Variants in ENPEP observed in about 807,000 individuals in gnomAD.
The protein encoded by ENPEP is glutamyl aminopeptidase, also known as AP-A.
ENPEP carries 103 observed loss-of-function variants against 114.5 expected under a neutral mutation model. That is an observed-to-expected ratio of 0.90 (90% confidence interval 0.77 to 1.06). The LOEUF is 1.06. Among genes scored for constraint, ENPEP ranks in the 50% least tolerant of loss-of-function variants. ENPEP has a pLI of 0.00. For synonymous variants in ENPEP, 420 were observed against 422.0 expected (o/e 1.00, Z 0.06); for missense variants, 1,196 against 1,161.3 (o/e 1.03, Z -0.43).
At chr4:110,493,887 A>G (rs1724820601) in intron 3 of ENPEP, among the ~76,000 whole-genome samples, 1 of 152,234 alleles carries the variant, frequency 6.6e-6, no homozygotes, top group Non-Finnish European at 1.5e-5. Flanking sequence ...AGAACTTAAC[A>G]GACAAGCTAA....
At chr4:110,544,919 A>T (rs1726996720) in intron 13 of ENPEP, among the ~76,000 whole-genome samples, 2 of 152,138 alleles carry the variant, frequency 1.3e-5, no homozygotes, top group East Asian at 3.9e-4. Flanking sequence ...CAAATTTGAA[A>T]TTCAAAACAT....
At chr4:110,517,778 C>T (rs1176659610) in intron 8 of ENPEP, among the ~76,000 whole-genome samples, 1 of 152,164 alleles carries the variant, frequency 6.6e-6, no homozygotes, top group Non-Finnish European at 1.5e-5. Context: ...TGAATTTACA[C>T]AAAACACCCA....
At position 110,549,584 on chromosome 4, in the gene ENPEP, T is replaced by A. The variant is rs138888423; in HGVS notation, c.2282T>A (p.Leu761Ter). 1.4e-4 allele frequency: 226 copies of A among 1,613,674 alleles called. No individual in the cohort carries two copies. The highest frequency in any genetic ancestry group is 1.8e-4 in the Non-Finnish European group (214 of 1,179,718). The change falls in exon 16 of 20, where the codon TTG (leucine) becomes TAG (stop). Residue 761 changes from leucine to a stop codon, truncating the protein, a stop_gained. Coordinates refer to ENST00000265162, the MANE Select transcript of ENPEP (RefSeq NM_001977.4). LOFTEE classifies it high-confidence loss of function. ...TGCAAGATGGGAGACAGAGAAGCCT[T>A]GAACAATGCTTCCTCGTTATTTGAG... The part of the protein sequence containing the change: ...FACKMGDREA[L>*]NNASSLFEQW...
At chr4:110,525,287 C>G (rs1301665287) in intron 10 of ENPEP, among the ~76,000 whole-genome samples, 1 of 152,204 alleles carries the variant, frequency 6.6e-6, no homozygotes, top group Non-Finnish European at 1.5e-5. Flanking sequence ...GGGCCTGGCC[C>G]CAGGAGCTGG....
At chr4:110,530,652 TG>T (rs1418257077) in intron 10 of ENPEP, among the ~76,000 whole-genome samples, 1 of 152,232 alleles carries the variant, frequency 6.6e-6, no homozygotes. Context: ...ATTCTTCCCT[TG>T]AGCACTTCAG....
rs553209625 is a variant in ENPEP, at chr4:110,490,244, G to A, written c.787-789G>A. Among the ~76,000 whole-genome samples the A allele has an allele frequency of 2.0e-5, 3 of 152,126 alleles. No individual in the cohort carries two copies. In the South Asian group the frequency reaches 6.2e-4, roughly 32 times the overall value. Reference sequence around the variant, plus strand: ...CTAACACTACTAGGTTTTTATGGTAGAGTAATGTAGCCTGGAGCCCCACCA... The same window carrying A: ...CTAACACTACTAGGTTTTTATGGTAAAGTAATGTAGCCTGGAGCCCCACCA... On this transcript the variant is annotated intron_variant, in intron 2 of 19. Transcript: ENST00000265162.
Position 110,549,939 on chromosome 4 carries a change from T to TCA in ENPEP, c.2501+56_2501+57dup, listed in dbSNP as rs1727226686. 2.1e-6 allele frequency: 3 copies of TCA among 1,452,570 alleles called. No individual in the cohort carries two copies. In the African/African-American group the frequency reaches 4.3e-5, roughly 21 times the overall value. 90.0% of individuals were successfully genotyped at this position (1,452,570 alleles called of 1,614,324 possible). On this transcript the variant is annotated intron_variant, in intron 17 of 19. Transcript: ENST00000265162. Reference sequence around the variant, plus strand: ...TAAATAGTATTTAATAGTTTATGTGTCACAGTCTCTTTAAGAGTCTGATTA... The same window carrying TCA: ...TAAATAGTATTTAATAGTTTATGTGTCACACAGTCTCTTTAAGAGTCTGATTA...
chr4:110,548,252 C>A lies in ENPEP; in HGVS notation c.2077C>A (p.Gln693Lys), dbSNP rs1346506225. 1 of 1,596,348 alleles carries A rather than the reference C, an allele frequency of 6.3e-7. No individual in the cohort carries two copies. Among genetic ancestry groups the A allele is most frequent in the East Asian group, 2.3e-5 (1 of 43,950 alleles). The change falls in exon 14 of 20, where the codon CAG (glutamine) becomes AAG (lysine). Residue 693 changes from glutamine to lysine, a missense_variant. By Grantham distance (53) the Gln-to-Lys change is moderately conservative (BLOSUM62 1). Coordinates refer to ENST00000265162, the MANE Select transcript of ENPEP (RefSeq NM_001977.4). Reference sequence around the variant, plus strand: ...AAGGGAAGAGAATTTTTTACCATGGCAGAGAGTAATTTCAGCTGTAACCTA... The same window carrying A: ...AAGGGAAGAGAATTTTTTACCATGGAAGAGAGTAATTTCAGCTGTAACCTA... ...LKREENFLPW[Q>K]RVISAVTYII...
At position 110,549,741 on chromosome 4, in the gene ENPEP, G is replaced by C; in HGVS notation, c.2356G>C (p.Val786Leu). The change falls in exon 17 of 20, where the codon GTG (valine) becomes CTG (leucine). Residue 786 changes from valine to leucine, a missense_variant. By Grantham distance (32) the Val-to-Leu change is conservative. Transcript: ENST00000265162. ...VSLPVNLRLLVYRYGMQNSGN... is the reference protein window; with the variant it reads ...VSLPVNLRLLLYRYGMQNSGN... The stretch of plus-strand genomic sequence containing the variant: ...CCTTCCCGTAAATCTCAGGCTTCTG[G>C]TGTATCGGTATGGGATGCAGAACTC... 1 of 1,613,222 alleles carries C rather than the reference G, an allele frequency of 6.2e-7. No individual in the cohort carries two copies. The highest frequency in any genetic ancestry group is 8.5e-7 in the Non-Finnish European group (1 of 1,179,530).
chr4:110,486,302 C>A (rs189573504), intron 1 of ENPEP, among the ~76,000 whole-genome samples: 1 of 152,258 alleles, frequency 6.6e-6, no homozygotes, highest in Admixed American at 6.5e-5. Flanking sequence ...GTAGTAAGTC[C>A]TTGAATCAAA....
chr4:110,516,758 G>T (rs532584822), intron 8 of ENPEP, among the ~76,000 whole-genome samples: 2 of 152,116 alleles, frequency 1.3e-5, no homozygotes, highest in South Asian at 4.2e-4. Flanking sequence ...TCAAGATTTC[G>T]GAAATATTTG....
rs1212446280 is a variant in ENPEP, at chr4:110,509,774, G to A, written c.1161G>A (p.Val387=). ...KESASSNQQR[V]ATVVAHELVH... is the part of the protein sequence containing the mutation. ...CAGCCTCATCAAACCAACAGAGGGT[G>A]GCCACTGTGGTTGCCCATGAACTTG... The change falls in exon 5 of 20, where the codon GTG becomes GTA. Residue 387 remains valine, a synonymous_variant. Coordinates refer to ENST00000265162, the MANE Select transcript of ENPEP (RefSeq NM_001977.4). 1 of 1,613,962 alleles carries A rather than the reference G, an allele frequency of 6.2e-7. No homozygotes were observed. Among genetic ancestry groups the A allele is most frequent in the Admixed American group, 1.7e-5 (1 of 59,968 alleles).
chr4:110,506,443 A>C (rs1211589996), intron 3 of ENPEP, among the ~76,000 whole-genome samples, 194 bp from the exon 4 acceptor site: 1 of 152,226 alleles, frequency 6.6e-6, no homozygotes, highest in Non-Finnish European at 1.5e-5. Flanking sequence ...CATTTTACAT[A>C]AAATTCCTCC....
chr4:110,531,126 T>C, intron 10 of ENPEP, 72 bp from the exon 11 acceptor site: 1 of 947,364 alleles, frequency 1.1e-6, no homozygotes. Flanking sequence ...TATTGCTTTT[T>C]AGTGATTTTT....
intron 10 of ENPEP, among the ~76,000 whole-genome samples, chr4:110,530,181 C>T (rs573410834): frequency 5.3e-5 from 8 of 152,194 alleles, no homozygotes; most frequent in East Asian, 3.9e-4. Context: ...TTTTATGAAA[C>T]GTATAGCCAA....
intron 3 of ENPEP, among the ~76,000 whole-genome samples, chr4:110,491,852 C>T (rs1724738582): frequency 6.6e-6 from 1 of 151,682 alleles, no homozygotes; most frequent in African/African-American, 2.4e-5. Flanking sequence ...TCCTGAGTAG[C>T]TGGGACTACA....
chr4:110,505,790 T>C (rs1415923386), intron 3 of ENPEP, among the ~76,000 whole-genome samples: 1 of 152,234 alleles, frequency 6.6e-6, no homozygotes, highest in Non-Finnish European at 1.5e-5. Flanking sequence ...TCTGAGGTAC[T>C]GCTTCCTCTT....
chr4:110,532,972 C>A, intron 11 of ENPEP: 2 of 266,934 alleles, frequency 7.5e-6, no homozygotes, highest in Non-Finnish European at 1.6e-5. Context: ...ACATTTTCAA[C>A]AATGTGTAAC....
rs931750713 is a variant in ENPEP, at chr4:110,562,516, C to G, written c.*958C>G. On this transcript the variant is annotated 3_prime_UTR_variant, in exon 20 of 20. Coordinates refer to ENST00000265162, the MANE Select transcript of ENPEP (RefSeq NM_001977.4). The stretch of plus-strand genomic sequence containing the variant: ...AATTAGAATTTAGCTTTGACCTCAC[C>G]TAGCAATCTAAGTGTGAAAATGGGG... 1 of 152,092 alleles carries G rather than the reference C, an allele frequency of 6.6e-6. No homozygotes were observed. The highest frequency in any genetic ancestry group is 2.4e-5 in the African/African-American group (1 of 41,430). The allele number at this position is 152,092 out of a possible 1,614,324, so 9.4% of individuals were successfully genotyped here. A position where few individuals can be genotyped will look rare whatever the true frequency, so the allele number is the denominator to read the frequency against.
Sources: allele counts gnomAD v4.1 joint callset (sites outside exome capture counted in the v4.1 genomes callset), GRCh38; gene constraint gnomAD v4.1.1; transcripts MANE v1.5; gene names NCBI Gene and HGNC (gene_info 2026-07-23, HGNC 2026-07-21).